The following GRID2 variants were observed in gnomAD, a reference collection of about 807,000 sequenced individuals.
GRID2 encodes the protein glutamate receptor ionotropic, delta-2.
Under a neutral mutation model 114.8 loss-of-function variants are expected in GRID2, and 33 were observed. That is an observed-to-expected ratio of 0.29 (90% CI 0.22 to 0.38). The LOEUF (loss-of-function observed/expected upper bound fraction) is 0.38, where lower values mean the gene tolerates loss of function less well. Ranked by LOEUF, GRID2 falls within the 10% of genes least tolerant of loss-of-function variation. The pLI, the probability that GRID2 is intolerant of heterozygous loss-of-function variation, is 1.00. For synonymous variants in GRID2, 505 were observed against 449.9 expected, an observed-to-expected ratio of 1.12 and a Z score of -1.55; for missense variants, 1,184 against 1,257.7, an observed-to-expected ratio of 0.94 and a Z score of 0.89.
chr4:93,128,027 C>CA (rs1008311457), intron 4 of GRID2, among the ~76,000 whole-genome samples: 1,363 of 20,276 alleles, frequency 0.067, 162 homozygotes, highest in Non-Finnish European at 0.089. Context: ...TCCCCCGCAA[C>CA]AAAAAAAAAA....
chr4:93,089,559 G>T (rs1198097405), intron 3 of GRID2, among the ~76,000 whole-genome samples: 1 of 152,080 alleles, frequency 6.6e-6, no homozygotes, highest in African/African-American at 2.4e-5. Context: ...GGTAAACTCT[G>T]ATGGCTCTCA....
chr4:93,539,364 T>C (rs1187283918), intron 13 of GRID2, among the ~76,000 whole-genome samples: 1 of 152,000 alleles, frequency 6.6e-6, no homozygotes, highest in Non-Finnish European at 1.5e-5. Flanking sequence ...ATTTTGTTCA[T>C]TTGTTTAATG....
intron 2 of GRID2, among the ~76,000 whole-genome samples, chr4:92,706,551 CTAGGGGTGTT>C (rs1734967051): frequency 6.6e-6 from 1 of 151,998 alleles, no homozygotes; most frequent in Non-Finnish European, 1.5e-5. Flanking sequence ...ATGCTGTCCT[CTAGGGGTGTT>C]TTGGTTATAT....
intron 2 of GRID2, among the ~76,000 whole-genome samples, chr4:92,927,323 A>G (rs1749886466): frequency 6.6e-6 from 1 of 151,880 alleles, no homozygotes; most frequent in Admixed American, 6.6e-5. Context: ...ATAATAGCTT[A>G]CAGGTTAGCC....
At chr4:92,939,137 T>C (rs1450463197) in intron 2 of GRID2, among the ~76,000 whole-genome samples, 2 of 147,148 alleles carry the variant, frequency 1.4e-5, no homozygotes, top group Admixed American at 1.5e-4. Flanking sequence ...GAGGAACTGC[T>C]ACACTGACTT....
At chr4:93,088,120 G>A (rs1246448324) in intron 3 of GRID2, among the ~76,000 whole-genome samples, 1 of 152,040 alleles carries the variant, frequency 6.6e-6, no homozygotes, top group East Asian at 1.9e-4. Flanking sequence ...GTTAATTAGA[G>A]AAACCTCCTT....
At chr4:92,761,030 T>C (rs2149345231) in intron 2 of GRID2, among the ~76,000 whole-genome samples, 1 of 152,300 alleles carries the variant, frequency 6.6e-6, no homozygotes, top group South Asian at 2.1e-4. Flanking sequence ...CATAAACCTC[T>C]ATTTCATGTG....
At chr4:93,355,599 G>A (rs976510542) in intron 8 of GRID2, among the ~76,000 whole-genome samples, 24 of 152,022 alleles carry the variant, frequency 1.6e-4, no homozygotes, top group African/African-American at 5.1e-4. Context: ...TTAAGCAATC[G>A]ATCTTGTGAT....
At chr4:92,851,952 C>A (rs1386242038) in intron 2 of GRID2, among the ~76,000 whole-genome samples, 1 of 151,820 alleles carries the variant, frequency 6.6e-6, no homozygotes, top group Admixed American at 6.6e-5. Flanking sequence ...GAAATCAATT[C>A]GTAAATATTT....
chr4:93,176,202 A>G (rs1173924190), intron 4 of GRID2, among the ~76,000 whole-genome samples: 2 of 152,226 alleles, frequency 1.3e-5, no homozygotes, highest in Non-Finnish European at 2.9e-5. Context: ...AAATCTAAAC[A>G]TTATTAATTA....
chr4:92,477,273 A>C (rs1722367569), intron 1 of GRID2, among the ~76,000 whole-genome samples: 1 of 152,130 alleles, frequency 6.6e-6, no homozygotes, highest in Non-Finnish European at 1.5e-5. Flanking sequence ...AAAGATATTT[A>C]AGGTCTCAAT....
intron 1 of GRID2, among the ~76,000 whole-genome samples, chr4:92,370,716 G>A (rs1323162557): frequency 5.9e-5 from 9 of 152,148 alleles, no homozygotes; most frequent in Non-Finnish European, 1.3e-4. Context: ...GCTTAGTGAG[G>A]AAGGCATATC....
intron 8 of GRID2, among the ~76,000 whole-genome samples, chr4:93,393,882 T>A (rs938462047): frequency 6.6e-6 from 1 of 152,002 alleles, no homozygotes; most frequent in African/African-American, 2.4e-5. Flanking sequence ...GAAATTCCTG[T>A]GTGTGCTTTG....
At chr4:93,202,959 A>C (rs1742269496) in intron 4 of GRID2, among the ~76,000 whole-genome samples, 1 of 152,006 alleles carries the variant, frequency 6.6e-6, no homozygotes, top group Non-Finnish European at 1.5e-5. Context: ...TCATACTACT[A>C]TACATTCTTT....
At chr4:93,385,626 G>T (rs994869927) in intron 8 of GRID2, among the ~76,000 whole-genome samples, 2 of 151,940 alleles carry the variant, frequency 1.3e-5, no homozygotes, top group Admixed American at 6.6e-5. Context: ...AAGTTATTTC[G>T]TAAGCTTCCC....
chr4:93,007,090 C>T (rs998626881), intron 2 of GRID2, among the ~76,000 whole-genome samples: 1 of 151,386 alleles, frequency 6.6e-6, no homozygotes, highest in African/African-American at 2.4e-5. Context: ...AAAAGAAAAA[C>T]AAACTCAGCA....
Position 92,454,879 on chromosome 4 carries a change from T to G in GRID2, c.89-135252T>G, listed in dbSNP as rs924838826. Among the ~76,000 whole-genome samples the G allele has an allele frequency of 3.9e-5, 6 of 152,164 alleles. No individual in the cohort carries two copies. In the East Asian group the frequency reaches 1.2e-3, roughly 29 times the overall value. ...TCTGCACCCCTGCAATGTCTCTGGA[T>G]TACTTTCCGATTATTCACATATTAT... On this transcript the variant is annotated intron_variant, in intron 1 of 15. Transcript: ENST00000282020.
rs187940946 is a variant in GRID2, at chr4:93,371,953, G to A, written c.1246-23654G>A. 5.3e-3 allele frequency among the ~76,000 whole-genome samples: 800 copies of A among 151,786 alleles called. 5 individuals are homozygous for A. The highest frequency in any genetic ancestry group is 8.0e-3 in the Non-Finnish European group (541 of 67,922). On this transcript the variant is annotated intron_variant, in intron 8 of 15. Transcript: ENST00000282020. ...AGTAGAGACGGGGTTTTACCATGTT[G>A]GCCAGGCTGGTCTCAAACTCTTGAC...
intron 1 of GRID2, among the ~76,000 whole-genome samples, chr4:92,424,824 A>T (rs1732078295): frequency 6.6e-6 from 1 of 151,784 alleles, no homozygotes; most frequent in African/African-American, 2.4e-5. Flanking sequence ...AACAAAAAAT[A>T]CTACTTTTTA....
Sources: gnomAD v4.1 joint callset for allele counts (sites outside exome capture counted in the v4.1 genomes callset) on GRCh38, gnomAD v4.1.1 for gene constraint, MANE v1.5 for transcripts, NCBI Gene and HGNC (gene_info 2026-07-23, HGNC 2026-07-21) for gene names.